The following WDR75 variants were observed in gnomAD, a reference collection of about 807,000 sequenced individuals.
WDR75 encodes WD repeat-containing protein 75.
WDR75 carries 52 observed loss-of-function variants against 106.1 expected under a neutral mutation model. The observed-to-expected ratio is 0.49, with a 90% CI of 0.39 to 0.62. WDR75 has a LOEUF of 0.62. Among genes scored for constraint, WDR75 ranks in the 20% least tolerant of loss-of-function variants. The probability of loss-of-function intolerance (pLI) is 0.00; values close to 1 mark genes in which losing one functional copy is unlikely to be tolerated. For missense variants in WDR75, 905 were observed against 970.3 expected (o/e 0.93, Z 0.89); for synonymous variants, 333 against 335.5 (o/e 0.99, Z 0.08).
rs992878971 is a variant in WDR75, at chr2:189,462,610, G to C, written c.905G>C (p.Gly302Ala). Residue 302 changes from glycine (G) to alanine (A), a missense_variant, in exon 9 of 21, where the codon GGA becomes GCA. Transcript: ENST00000314761. Reference sequence around the variant, plus strand: ...GAACATATCTCAGTCTCGCCTGCAGGAGATTTATTCTGCACTTCTCACTCT... The same window carrying C: ...GAACATATCTCAGTCTCGCCTGCAGCAGATTTATTCTGCACTTCTCACTCT... ...TIEHISVSPA[G>A]DLFCTSHSDN... 1.9e-6 allele frequency: 3 copies of C among 1,613,828 alleles called. No individual in the cohort carries two copies. Among genetic ancestry groups the C allele is most frequent in the Non-Finnish European group, 2.5e-6 (3 of 1,179,920 alleles).
Position 189,475,539 on chromosome 2 carries a change from G to T in WDR75, c.*122G>T. ...AAGATAATAAATATTAACAAACTTTGCTTTTTTAAAAAACTGATAATATGA... is the reference window on the plus strand; with the variant it reads ...AAGATAATAAATATTAACAAACTTTTCTTTTTTAAAAAACTGATAATATGA... On this transcript the variant is annotated 3_prime_UTR_variant, in exon 21 of 21. Coordinates refer to ENST00000314761, the MANE Select transcript of WDR75 (RefSeq NM_032168.3). The T allele has an allele frequency of 1.5e-6, 1 of 677,198 alleles. No homozygotes were observed. The highest frequency in any genetic ancestry group is 2.3e-6 in the Non-Finnish European group (1 of 432,756). The allele number at this position is 677,198 out of a possible 1,614,324, so 41.9% of individuals were successfully genotyped here.
rs1687179641 is a variant in WDR75, at chr2:189,474,769, T to G, written c.2249T>G (p.Met750Arg). The part of the protein sequence containing the change: ...VLPSAAFLCS[M>R]FVNSLLLSKE... ...CCATCTGCTGCTTTCCTGTGCTCCA[T>G]GTTTGTAAATTCATTGCTGCTGTCT... The change falls in exon 20 of 21, where the codon ATG becomes AGG. Residue 750 changes from methionine to arginine, a missense_variant. Met to Arg is a moderately conservative substitution (Grantham distance 91, BLOSUM62 -1). Transcript: ENST00000314761. The G allele has an allele frequency of 1.2e-6, 2 of 1,614,108 alleles. No homozygotes were observed. Among genetic ancestry groups the G allele is most frequent in the Non-Finnish European group, 1.7e-6 (2 of 1,179,954 alleles).
rs1686781230 is a variant in WDR75, at chr2:189,458,236, T to C, written c.570-517T>C. 3.3e-5 allele frequency among the ~76,000 whole-genome samples: 5 copies of C among 152,260 alleles called. 1 individual carries two copies. In the South Asian group the frequency reaches 1.0e-3, roughly 32 times the overall value. On this transcript the variant is annotated intron_variant, in intron 6 of 20. Transcript: ENST00000314761. ...CTGTGCCCGGCCAATTGCTTTCTTT[T>C]TAGTATAATATTGATCCTGACTTCT... is the stretch of plus-strand genomic sequence containing the variant.
chr2:189,445,600 T>A (rs115256769), intron 1 of WDR75, among the ~76,000 whole-genome samples: 5,853 of 152,112 alleles, frequency 0.038, 139 homozygotes, highest in South Asian at 0.05. Flanking sequence ...TGGACTGGGG[T>A]CTAGGAACAT....
At chr2:189,444,473 TTA>T (rs1259898534) in intron 1 of WDR75, among the ~76,000 whole-genome samples, 1 of 152,116 alleles carries the variant, frequency 6.6e-6, no homozygotes, top group African/African-American at 2.4e-5. Context: ...CATCCCACAG[TTA>T]TATGGTGCTG....
At position 189,458,802 on chromosome 2, in the gene WDR75, A is replaced by G. The variant is rs756212226; in HGVS notation, c.619A>G (p.Thr207Ala). The G allele has an allele frequency of 1.9e-6, 3 of 1,607,464 alleles. No individual in the cohort carries two copies. Among genetic ancestry groups the G allele is most frequent in the South Asian group, 2.2e-5 (2 of 89,180 alleles). The stretch of plus-strand genomic sequence containing the variant: ...TAAGAAGCATGCTAAAAACAATTTT[A>G]CATGTGTAGCATGTCACCCAACGGA... ...RNKKHAKNNFTCVACHPTEDC... is the reference protein window; with the variant it reads ...RNKKHAKNNFACVACHPTEDC... Residue 207 changes from threonine (T) to alanine (A), a missense_variant, in exon 7 of 21, where the codon ACA becomes GCA. Coordinates refer to ENST00000314761, the MANE Select transcript of WDR75 (RefSeq NM_032168.3).
At chr2:189,462,200 A>G (rs1341687887) in intron 8 of WDR75, among the ~76,000 whole-genome samples, 2 of 151,980 alleles carry the variant, frequency 1.3e-5, no homozygotes, top group Non-Finnish European at 2.9e-5. Context: ...AAAATTTATC[A>G]GTGAAGCTAT....
rs1321880005 is a variant in WDR75, at chr2:189,459,401, T to G, written c.755T>G (p.Met252Arg). The change falls in exon 8 of 21, where the codon ATG becomes AGG. Residue 252 changes from methionine (M) to arginine (R), a missense_variant. Transcript: ENST00000314761. Reference protein sequence around the residue: ...TCLHWHHDMVMDLAFSVTGTS... With the variant: ...TCLHWHHDMVRDLAFSVTGTS... Reference sequence around the variant, plus strand: ...TTACATTGGCACCATGATATGGTTATGGATTTGGCTTTTTCAGTGACAGGT... The same window carrying G: ...TTACATTGGCACCATGATATGGTTAGGGATTTGGCTTTTTCAGTGACAGGT... The G allele has an allele frequency of 6.2e-7, 1 of 1,612,654 alleles. No individual in the cohort carries two copies. Among genetic ancestry groups the G allele is most frequent in the Non-Finnish European group, 8.5e-7 (1 of 1,179,644 alleles).
At chr2:189,450,357 GT>G (rs1686590789) in intron 2 of WDR75, 2 of 904,012 alleles carry the variant, frequency 2.2e-6, no homozygotes, top group Non-Finnish European at 2.5e-6. Flanking sequence ...GTTTTGTTTT[GT>G]TTGGTTTTGG....
Position 189,450,722 on chromosome 2 carries a change from C to G in WDR75, c.217-181C>G, listed in dbSNP as rs981568777. 17 of 1,401,202 alleles carry G rather than the reference C, an allele frequency of 1.2e-5. No individual in the cohort carries two copies. The African/African-American group carries it at 2.5e-4, about 21-fold the overall frequency. 86.8% of individuals were successfully genotyped at this position (1,401,202 alleles called of 1,614,324 possible). On this transcript the variant is annotated intron_variant, in intron 2 of 20. Transcript: ENST00000314761. ...AAACTTGAAATGGATGGATCTGCTT[C>G]TTGCAGAAAGCTGTGAAAAGATTGT...
intron 4 of WDR75, 149 bp downstream of exon 4, chr2:189,452,044 G>C (rs1447608658): frequency 3.3e-6 from 2 of 597,748 alleles, no homozygotes; most frequent in East Asian, 5.8e-5. Context: ...TGCTCATTTG[G>C]AGATGGTTTG....
intron 19 of WDR75, 117 bp from the exon 20 acceptor site, chr2:189,474,600 T>G: frequency 3.1e-6 from 3 of 971,356 alleles, no homozygotes; most frequent in Non-Finnish European, 3.1e-6. Context: ...GGGAAAGCCT[T>G]TTCATGTTTC....
intron 1 of WDR75, among the ~76,000 whole-genome samples, chr2:189,444,177 A>G (rs1686445786): frequency 6.6e-6 from 1 of 152,204 alleles, no homozygotes; most frequent in Non-Finnish European, 1.5e-5. Flanking sequence ...GAACTCAGCA[A>G]AGATTTGAAT....
chr2:189,453,292 C>G (rs1456097544), intron 4 of WDR75, among the ~76,000 whole-genome samples: 5 of 152,162 alleles, frequency 3.3e-5, no homozygotes, highest in Non-Finnish European at 1.5e-5. Flanking sequence ...TGGTTGATCA[C>G]TAGGTTTGGG....
At position 189,450,882 on chromosome 2, in the gene WDR75, T is replaced by C. The variant is rs74537192; in HGVS notation, c.217-21T>C. 932 of 1,599,110 alleles carry C rather than the reference T, an allele frequency of 5.8e-4. 1 individual carries two copies. Among genetic ancestry groups the C allele is most frequent in the Non-Finnish European group, 7.5e-4 (886 of 1,176,782 alleles). On this transcript the variant is annotated intron_variant, in intron 2 of 20. Coordinates refer to ENST00000314761, the MANE Select transcript of WDR75 (RefSeq NM_032168.3). Reference sequence around the variant, plus strand: ...GAATTTCTTTTTTTTAAATCAATTTTGTATTGTTTTACCCTTTTAGCTGTA... The same window carrying C: ...GAATTTCTTTTTTTTAAATCAATTTCGTATTGTTTTACCCTTTTAGCTGTA...
rs1464349863 is a variant in WDR75 at position 189,470,070 on chromosome 2, C to T, written c.1820-6C>T. ...ATGTTATTGTTTCTTTGTTTTTTCC[C>T]TCTAGTGTTTGTATTTAAACCTAGT... On this transcript the variant is annotated splice_polypyrimidine_tract_variant and splice_region_variant and intron_variant, in intron 16 of 20. Transcript: ENST00000314761. The T allele has an allele frequency of 1.2e-6, 2 of 1,607,260 alleles. No homozygotes were observed. Among genetic ancestry groups the T allele is most frequent in the Admixed American group, 1.7e-5 (1 of 58,750 alleles).
intron 1 of WDR75, among the ~76,000 whole-genome samples, chr2:189,444,887 A>G (rs539625592): frequency 6.6e-6 from 1 of 152,024 alleles, no homozygotes; most frequent in Admixed American, 6.6e-5. Context: ...GCTCTTGCTT[A>G]TGTTGCTATT....
chr2:189,474,522 TA>T (rs1687174828), intron 19 of WDR75, among the ~76,000 whole-genome samples, 190 bp downstream of exon 19: 1 of 152,140 alleles, frequency 6.6e-6, no homozygotes, highest in Non-Finnish European at 1.5e-5. Flanking sequence ...GGTGTAGGGA[TA>T]GGGGTGGTTG....
chr2:189,474,164 TC>T, intron 18 of WDR75, 21 bp from the exon 19 acceptor site: 1 of 1,594,382 alleles, frequency 6.3e-7, no homozygotes, highest in Non-Finnish European at 8.5e-7. Context: ...AAATAATTTC[TC>T]TTTGTCTTAA....
Sources: gnomAD v4.1 joint callset for allele counts (sites outside exome capture counted in the v4.1 genomes callset) on GRCh38, gnomAD v4.1.1 for gene constraint, MANE v1.5 for transcripts, NCBI Gene and HGNC (gene_info 2026-07-23, HGNC 2026-07-21) for gene names.